TSPAN17: variants seen among roughly 807,000 people sequenced by gnomAD.
The protein encoded by TSPAN17 is tetraspanin-17.
A neutral mutation model predicts 40.5 loss-of-function variants in TSPAN17; 33 were observed. The observed-to-expected ratio is 0.81, with a 90% CI of 0.62 to 1.09. The LOEUF (loss-of-function observed/expected upper bound fraction) is 1.09. Among genes scored for constraint, TSPAN17 ranks in the 50% least tolerant of loss-of-function variants. The pLI, the probability that TSPAN17 is intolerant of heterozygous loss-of-function variation, is 0.00. For synonymous variants in TSPAN17, 166 were observed against 169.4 expected (o/e 0.98, Z 0.15); for missense variants, 365 against 416.8 (o/e 0.88, Z 1.08).
Position 176,654,726 on chromosome 5 carries a change from G to C in TSPAN17, c.457-169G>C, listed in dbSNP as rs199652552. 9.6e-4 allele frequency: 738 copies of C among 764,862 alleles called. 3 individuals are homozygous for C. Among genetic ancestry groups the C allele is most frequent in the Non-Finnish European group, 1.4e-3 (657 of 483,968 alleles). The allele number at this position is 764,862 out of a possible 1,614,324, so 47.4% of individuals were successfully genotyped here. On this transcript the variant is annotated intron_variant, in intron 4 of 8. Transcript: ENST00000508164. This position sits in a 1 kb window ranked among gnomAD's most constrained non-coding sequence, Gnocchi z 4.3. ...CCCTTGCACCCCTCTGCCTCCACCA[G>C]CCTGGAGGTTGGGCCCAGGCCTGTG...
At chr5:176,649,537 C>T (rs545005401) in intron 1 of TSPAN17, among the ~76,000 whole-genome samples, 60 of 152,026 alleles carry the variant, frequency 3.9e-4, no homozygotes, top group Non-Finnish European at 7.2e-4. Flanking sequence ...AAGCGATTCT[C>T]CTGCCTCAGC....
At position 176,650,672 on chromosome 5, in the gene TSPAN17, A is replaced by T. The variant is rs1760931821; in HGVS notation, c.88-944A>T. Among the ~76,000 whole-genome samples the T allele has an allele frequency of 3.9e-5, 6 of 152,302 alleles. No homozygotes were observed. In the South Asian group the frequency reaches 1.2e-3, roughly 32 times the overall value. On this transcript the variant is annotated intron_variant, in intron 1 of 8. Transcript: ENST00000508164. This position sits in a 1 kb window ranked among gnomAD's most constrained non-coding sequence, Gnocchi z 4.0. The stretch of plus-strand genomic sequence containing the variant: ...AAGAATAGAGCAGTGTGGGGAGCCC[A>T]CGGTCAGGGAAGGGAAGGTGATAAA...
chr5:176,656,030 C>G (rs1374377434), intron 5 of TSPAN17, 48 bp from the exon 6 acceptor site: 1 of 1,580,458 alleles, frequency 6.3e-7, no homozygotes. Context: ...CCATGGACCC[C>G]ATGGGATGCG....
rs935589523 is a variant in TSPAN17 at position 176,654,852 on chromosome 5, G to C, written c.457-43G>C. ...TGTTCCCAAACAGGGTGAGGCTCCT[G>C]GGATGGGCCTGGCTCACCTGGGGCT... On this transcript the variant is annotated intron_variant, in intron 4 of 8. Coordinates refer to ENST00000508164, the MANE Select transcript of TSPAN17 (RefSeq NM_130465.5). The surrounding 1 kb of genome is among the most constrained non-coding windows in gnomAD (Gnocchi z 4.3). The C allele has an allele frequency of 6.2e-7, 1 of 1,608,464 alleles. No individual in the cohort carries two copies. Among genetic ancestry groups the C allele is most frequent in the Non-Finnish European group, 8.5e-7 (1 of 1,177,248 alleles).
At chr5:176,652,976 A>G in intron 4 of TSPAN17, 63 bp downstream of exon 4, 4 of 1,565,710 alleles carry the variant, frequency 2.6e-6, no homozygotes, top group Non-Finnish European at 3.5e-6. Flanking sequence ...CGAATGAGGG[A>G]GCAAGTTCCC....
In TSPAN17 at chr5:176,651,595, T is replaced by A; in HGVS notation, c.88-21T>A. 2 of 1,608,254 alleles carry A rather than the reference T, an allele frequency of 1.2e-6. No individual in the cohort carries two copies. Among genetic ancestry groups the A allele is most frequent in the Non-Finnish European group, 8.5e-7 (1 of 1,176,834 alleles). Reference sequence around the variant, plus strand: ...CCTGGGGCTGCTCCCAGCCCTGAGCTCTTTGTTGCTGCCCTTGCAGGTGCT... The same window carrying A: ...CCTGGGGCTGCTCCCAGCCCTGAGCACTTTGTTGCTGCCCTTGCAGGTGCT... On this transcript the variant is annotated intron_variant, in intron 1 of 8. Transcript: ENST00000508164. The surrounding 1 kb of genome is among the most constrained non-coding windows in gnomAD (Gnocchi z 4.5).
chr5:176,649,065 G>A (rs533840830), intron 1 of TSPAN17, among the ~76,000 whole-genome samples: 18 of 152,258 alleles, frequency 1.2e-4, no homozygotes, highest in African/African-American at 4.3e-4. Context: ...GTTATGTTAA[G>A]GTGGCATGGA....
chr5:176,648,476 A>C (rs568221347), intron 1 of TSPAN17, among the ~76,000 whole-genome samples: 1 of 152,312 alleles, frequency 6.6e-6, no homozygotes, highest in Admixed American at 6.5e-5. Flanking sequence ...ATCTCTCCAA[A>C]GCCGTGGCCC....
chr5:176,651,473 GAT>G lies in TSPAN17; in HGVS notation c.88-142_88-141del. On this transcript the variant is annotated intron_variant, in intron 1 of 8. Transcript: ENST00000508164. The surrounding 1 kb of genome is among the most constrained non-coding windows in gnomAD (Gnocchi z 4.5). ...AAGCACTGGGATGTGTTCTTGGGAA[GAT>G]GGAAAGGACCCCGGATCCCGTTCAC... 1 of 840,548 alleles carries G rather than the reference GAT, an allele frequency of 1.2e-6. No individual in the cohort carries two copies. The highest frequency in any genetic ancestry group is 1.8e-6 in the Non-Finnish European group (1 of 554,398). 52.1% of individuals were successfully genotyped at this position (840,548 alleles called of 1,614,324 possible). A position where few individuals can be genotyped will look rare whatever the true frequency, so the allele number is the denominator to read the frequency against.
rs914477560 is a variant in TSPAN17, at chr5:176,651,560, G to C, written c.88-56G>C. 2.1e-5 allele frequency: 33 copies of C among 1,557,096 alleles called. No homozygotes were observed. The highest frequency in any genetic ancestry group is 2.4e-5 in the Non-Finnish European group (28 of 1,149,252). On this transcript the variant is annotated intron_variant, in intron 1 of 8. Transcript: ENST00000508164. This position sits in a 1 kb window ranked among gnomAD's most constrained non-coding sequence, Gnocchi z 4.5. ...GCCCTGGCTACCGGGGAAGGATGAG[G>C]GGGGAGGGTCCTGGGGCTGCTCCCA...
Position 176,650,826 on chromosome 5 carries a change from C to T in TSPAN17, c.88-790C>T, listed in dbSNP as rs547550745. 6.6e-6 allele frequency among the ~76,000 whole-genome samples: 1 copy of T among 152,274 alleles called. No homozygotes were observed. The highest frequency in any genetic ancestry group is 1.9e-4 in the East Asian group (1 of 5,164). On this transcript the variant is annotated intron_variant, in intron 1 of 8. Transcript: ENST00000508164. The surrounding 1 kb of genome is among the most constrained non-coding windows in gnomAD (Gnocchi z 4.0). ...CAGCCTTTCCCCCTCTGAGACTGCA[C>T]GCCCAGGGACCTGCCCAGGGTCAGG...
intron 4 of TSPAN17, chr5:176,653,865 G>A (rs958930589): frequency 4.6e-5 from 7 of 152,240 alleles, no homozygotes; most frequent in Admixed American, 1.3e-4. Context: ...CTGAGGATTC[G>A]GCGGGGAAGA....
intron 4 of TSPAN17, chr5:176,653,129 A>AC: frequency 2.0e-6 from 1 of 492,970 alleles, no homozygotes; most frequent in Non-Finnish European, 3.6e-6. Flanking sequence ...CGGCCTTGGG[A>AC]AACAGAGGGC....
rs1227145593 is a variant in TSPAN17, at chr5:176,647,786, C to T, written c.87+84C>T. The T allele has an allele frequency of 2.3e-6, 3 of 1,326,904 alleles. No individual in the cohort carries two copies. The African/African-American group carries it at 4.5e-5, about 20-fold the overall frequency. The allele number at this position is 1,326,904 out of a possible 1,614,324, so 82.2% of individuals were successfully genotyped here. A position where few individuals can be genotyped will look rare whatever the true frequency, so the allele number is the denominator to read the frequency against. ...GTCTTTTGCTGGGGGAGACCACTCC[C>T]TGCCCCAAGAGTTTGGAGCTCGGGA... On this transcript the variant is annotated intron_variant, in intron 1 of 8. Transcript: ENST00000508164.
Position 176,647,532 on chromosome 5 carries a change from G to A in TSPAN17, c.-84G>A, listed in dbSNP as rs1440348481. ...AGCCGCAGCCGCCCGGCTAGGCCCC[G>A]GGCGGCTCTAGCCCAGGGCGGCCCG... On this transcript the variant is annotated 5_prime_UTR_variant, in exon 1 of 9. Coordinates refer to ENST00000508164, the MANE Select transcript of TSPAN17 (RefSeq NM_130465.5). 8.8e-7 allele frequency: 1 copy of A among 1,132,252 alleles called. No individual in the cohort carries two copies. The highest frequency in any genetic ancestry group is 1.7e-5 in the African/African-American group (1 of 59,942). The allele number at this position is 1,132,252 out of a possible 1,614,324, so 70.1% of individuals were successfully genotyped here. A position where few individuals can be genotyped will look rare whatever the true frequency, so the allele number is the denominator to read the frequency against.
Position 176,657,755 on chromosome 5 carries a change from G to A in TSPAN17, c.*57G>A, listed in dbSNP as rs142649577. The A allele has an allele frequency of 5.9e-6, 9 of 1,522,364 alleles. No individual in the cohort carries two copies. The highest frequency in any genetic ancestry group is 2.5e-4 in the Middle Eastern group (1 of 4,018). The allele number at this position is 1,522,364 out of a possible 1,614,324, so 94.3% of individuals were successfully genotyped here. ...TCTTGAAGAATGACCACCTGGCTAC[G>A]CCGGCTCTTCGGTGGCAACACTACC... On this transcript the variant is annotated 3_prime_UTR_variant, in exon 9 of 9. Coordinates refer to ENST00000508164, the MANE Select transcript of TSPAN17 (RefSeq NM_130465.5).
In TSPAN17 at chr5:176,654,705, T is replaced by C; in HGVS notation, c.457-190T>C. 1 of 641,956 alleles carries C rather than the reference T, an allele frequency of 1.6e-6. No individual in the cohort carries two copies. 39.8% of individuals were successfully genotyped at this position (641,956 alleles called of 1,614,324 possible). ...AGGGGGAGCTCAGTGTCCCCTCCCT[T>C]GCACCCCTCTGCCTCCACCAGCCTG... On this transcript the variant is annotated intron_variant, in intron 4 of 8. Coordinates refer to ENST00000508164, the MANE Select transcript of TSPAN17 (RefSeq NM_130465.5). The surrounding 1 kb of genome is among the most constrained non-coding windows in gnomAD (Gnocchi z 4.3).
chr5:176,655,068 A>G (rs999203756), intron 5 of TSPAN17, 48 bp downstream of exon 5: 3 of 1,556,018 alleles, frequency 1.9e-6, no homozygotes, highest in African/African-American at 2.7e-5. Flanking sequence ...CAGTGCACAG[A>G]CTCTGGAGAA....
In TSPAN17 at chr5:176,647,496, C is replaced by T. The variant is rs957026457; in HGVS notation, c.-120C>T. Reference sequence around the variant, plus strand: ...GGGCCCGACCGGCGCTCTGTGTGGCCGAGGCCATGAAGCCGCAGCCGCCCG... The same window carrying T: ...GGGCCCGACCGGCGCTCTGTGTGGCTGAGGCCATGAAGCCGCAGCCGCCCG... On this transcript the variant is annotated 5_prime_UTR_variant, in exon 1 of 9. Transcript: ENST00000508164. 4.1e-5 allele frequency: 26 copies of T among 631,976 alleles called. No individual in the cohort carries two copies. The highest frequency in any genetic ancestry group is 3.9e-4 in the African/African-American group (20 of 50,636). 39.1% of individuals were successfully genotyped at this position (631,976 alleles called of 1,614,324 possible).
Sources: allele counts gnomAD v4.1 joint callset (sites outside exome capture counted in the v4.1 genomes callset), GRCh38; gene constraint gnomAD v4.1.1; non-coding constraint Gnocchi (gnomAD v3.1); transcripts MANE v1.5; gene names NCBI Gene and HGNC (gene_info 2026-07-23, HGNC 2026-07-21).